STAR: variants seen among roughly 807,000 people sequenced by gnomAD.
STAR encodes steroidogenic acute regulatory protein.
A neutral mutation model predicts 32.3 loss-of-function variants in STAR; 32 were observed. That is an observed-to-expected ratio of 0.99 (90% confidence interval 0.75 to 1.33). The LOEUF is 1.33. Among genes scored for constraint, STAR ranks in the 40% most tolerant of loss-of-function variants. The pLI is 0.00. For missense variants in STAR, 375 were observed against 379.0 expected (o/e 0.99, Z 0.09); for synonymous variants, 134 against 140.5 (o/e 0.95, Z 0.33).
intron 3 of STAR, among the ~76,000 whole-genome samples, chr8:38,147,739 T>G (rs1199820641): frequency 6.6e-6 from 1 of 152,362 alleles, no homozygotes; most frequent in East Asian, 1.9e-4. Context: ...GATGGGTCAG[T>G]GCTCAAGCGC....
At chr8:38,149,651 G>A (rs1367527180) in intron 1 of STAR, among the ~76,000 whole-genome samples, 1 of 152,156 alleles carries the variant, frequency 6.6e-6, no homozygotes, top group Non-Finnish European at 1.5e-5. Flanking sequence ...GACTTGTCCA[G>A]CTCTGAAGGA....
Position 38,150,944 on chromosome 8 carries a change from CG to C in STAR, c.-127del. ...CCCCTCAAGCTTCGCCTCTGAGTCC[CG>C]CAGCTGCAGCCTGGACCTGGTGTTC... On this transcript the variant is annotated 5_prime_UTR_variant, in exon 1 of 7. Coordinates refer to ENST00000276449, the MANE Select transcript of STAR (RefSeq NM_000349.3). 3 of 1,587,558 alleles carry C rather than the reference CG, an allele frequency of 1.9e-6. No homozygotes were observed. The South Asian group carries it at 3.4e-5, about 18-fold the overall frequency.
intron 3 of STAR, among the ~76,000 whole-genome samples, chr8:38,147,393 T>G (rs2720049): frequency 0.99 from 150,150 of 152,284 alleles, 74,076 homozygotes; most frequent in East Asian, 1. Flanking sequence ...GGGAAAAGTG[T>G]TTTACACCAG....
intron 5 of STAR, 71 bp downstream of exon 5, chr8:38,145,892 C>A: frequency 1.3e-6 from 2 of 1,594,896 alleles, no homozygotes; most frequent in Non-Finnish European, 1.7e-6. Context: ...GGGATGCAGT[C>A]CACATGCTTG....
At chr8:38,146,956 T>C (rs1189953019) in intron 3 of STAR, among the ~76,000 whole-genome samples, 2 of 151,416 alleles carry the variant, frequency 1.3e-5, no homozygotes, top group African/African-American at 4.8e-5. Flanking sequence ...TGGAGGAAGT[T>C]ACCTGCTGCC....
chr8:38,148,702 G>A lies in STAR; in HGVS notation c.117C>T (p.Ala39=), dbSNP rs1487010952. The change falls in exon 2 of 7, where the codon GCC becomes GCT. Residue 39 remains alanine, a synonymous_variant. Coordinates refer to ENST00000276449, the MANE Select transcript of STAR (RefSeq NM_000349.3). The stretch of plus-strand genomic sequence containing the variant: ...ACGTGCTAGGGGTGGGGCCCCCCAG[G>A]GCCCTCCGGTTCAGCTCCTGGCTGA... ...MAISQELNRR[A]LGGPTPSTWI... 2 of 1,614,096 alleles carry A rather than the reference G, an allele frequency of 1.2e-6. No homozygotes were observed. The highest frequency in any genetic ancestry group is 1.7e-6 in the Non-Finnish European group (2 of 1,180,046).
chr8:38,145,895 C>G (rs1337106705), intron 5 of STAR, 68 bp downstream of exon 5: 26 of 1,602,112 alleles, frequency 1.6e-5, no homozygotes, highest in Non-Finnish European at 2.0e-5. Context: ...ATGCAGTCCA[C>G]ATGCTTGGGT....
chr8:38,148,451 C>T, intron 2 of STAR, 124 bp from the exon 3 acceptor site: 1 of 1,515,984 alleles, frequency 6.6e-7, no homozygotes, highest in African/African-American at 1.4e-5. Flanking sequence ...TAGGGGCCAG[C>T]CTGCTGGTCG....
chr8:38,144,988 GA>G, intron 6 of STAR: 1 of 1,344,758 alleles, frequency 7.4e-7, no homozygotes, highest in Non-Finnish European at 9.6e-7. Context: ...CAGCCTGAGT[GA>G]CAGAATGAAA....
rs1264801797 is a variant in STAR at position 38,150,896 on chromosome 8, G to T, written c.-78C>A. The T allele has an allele frequency of 6.3e-6, 10 of 1,599,686 alleles. No individual in the cohort carries two copies. Among genetic ancestry groups the T allele is most frequent in the Non-Finnish European group, 6.8e-6 (8 of 1,179,820 alleles). Reference sequence around the variant, plus strand: ...CGCTGCTGCTGCCTCTTCTCTCAAGGGTGGTTCTTCGTCCTTCCTGAGCCC... The same window carrying T: ...CGCTGCTGCTGCCTCTTCTCTCAAGTGTGGTTCTTCGTCCTTCCTGAGCCC... On this transcript the variant is annotated 5_prime_UTR_variant, in exon 1 of 7. Transcript: ENST00000276449.
intron 6 of STAR, 147 bp from the exon 7 acceptor site, chr8:38,144,533 A>T: frequency 6.7e-7 from 1 of 1,501,974 alleles, no homozygotes; most frequent in South Asian, 1.2e-5. Context: ...CAAGGGCGGG[A>T]GGACTGCATT....
rs1398391043 is a variant in STAR, at chr8:38,143,826, G to A, written c.*447C>T. On this transcript the variant is annotated 3_prime_UTR_variant, in exon 7 of 7. Transcript: ENST00000276449. ...TGCTGTGCAGCGGCCGGGAGGAGCA[G>A]AGGGCTGCAGGAGACCCTCTGAGAT... 1 of 263,618 alleles carries A rather than the reference G, an allele frequency of 3.8e-6. No homozygotes were observed. The highest frequency in any genetic ancestry group is 7.5e-6 in the Non-Finnish European group (1 of 133,790). The allele number at this position is 263,618 out of a possible 1,614,324, so 16.3% of individuals were successfully genotyped here.
chr8:38,145,387 C>A, intron 5 of STAR, 72 bp from the exon 6 acceptor site: 1 of 1,597,994 alleles, frequency 6.3e-7, no homozygotes, highest in Non-Finnish European at 8.6e-7. Context: ...TACACCAGTA[C>A]CATAGATAAC....
chr8:38,150,767 G>GC lies in STAR; in HGVS notation c.51dup (p.Arg18AlafsTer29), dbSNP rs778887660. 2 of 1,607,102 alleles carry GC rather than the reference G, an allele frequency of 1.2e-6. No homozygotes were observed. Among genetic ancestry groups the GC allele is most frequent in the Non-Finnish European group, 1.7e-6 (2 of 1,179,992 alleles). ...CCGCAGCGCTCACCCTTCATGTTGC[G>GC]CATGTGTCTGTAGGAGCTCCCAGCG... On this transcript the variant is annotated frameshift_variant, in exon 1 of 7. Transcript: ENST00000276449. LOFTEE classifies it high-confidence loss of function.
At chr8:38,145,485 C>T in intron 5 of STAR, 170 bp from the exon 6 acceptor site, 7 of 867,834 alleles carry the variant, frequency 8.1e-6, no homozygotes, top group Non-Finnish European at 1.1e-5. Flanking sequence ...GCACAGTTAC[C>T]AGCTCATCAG....
At position 38,146,069 on chromosome 8, in the gene STAR, G is replaced by C. The variant is rs369232492; in HGVS notation, c.544C>G (p.Arg182Gly). The C allele has an allele frequency of 1.2e-6, 2 of 1,614,098 alleles. No individual in the cohort carries two copies. Among genetic ancestry groups the C allele is most frequent in the Non-Finnish European group, 1.7e-6 (2 of 1,180,042 alleles). ...GCACAGCGCACGCTCACAAAGTCAC[G>C]GGGCCCCACCAGGTTTCCTGCTGCC... ...AEAAGNLVGP[R>G]DFVSVRCAKR... Residue 182 changes from arginine to glycine, a missense_variant, in exon 5 of 7, where the codon CGT (arginine) becomes GGT (glycine). By Grantham distance (125) the Arg-to-Gly change is moderately radical. Transcript: ENST00000276449.
At chr8:38,145,394 T>C (rs1310055657) in intron 5 of STAR, 79 bp from the exon 6 acceptor site, 9 of 1,581,402 alleles carry the variant, frequency 5.7e-6, no homozygotes, top group Non-Finnish European at 7.8e-6. Context: ...GTACCATAGA[T>C]AACACGTTTC....
In STAR at chr8:38,143,188, T is replaced by C. The variant is rs1419681321; in HGVS notation, c.*1085A>G. 6.6e-6 allele frequency among the ~76,000 whole-genome samples: 1 copy of C among 152,230 alleles called. No individual in the cohort carries two copies. The highest frequency in any genetic ancestry group is 1.5e-5 in the Non-Finnish European group (1 of 68,040). On this transcript the variant is annotated 3_prime_UTR_variant, in exon 7 of 7. Coordinates refer to ENST00000276449, the MANE Select transcript of STAR (RefSeq NM_000349.3). Reference sequence around the variant, plus strand: ...GATCCTGGTAACAGAGTCTAAATTATTGAATTGCATAATTTCCCAGTAGTT... The same window carrying C: ...GATCCTGGTAACAGAGTCTAAATTACTGAATTGCATAATTTCCCAGTAGTT...
Position 38,148,585 on chromosome 8 carries a change from C to G in STAR, c.178+56G>C, listed in dbSNP as rs963888308. 8 of 1,531,836 alleles carry G rather than the reference C, an allele frequency of 5.2e-6. No homozygotes were observed. The African/African-American group carries it at 1.1e-4, about 21-fold the overall frequency. The allele number at this position is 1,531,836 out of a possible 1,614,324, so 94.9% of individuals were successfully genotyped here. On this transcript the variant is annotated intron_variant, in intron 2 of 6. Coordinates refer to ENST00000276449, the MANE Select transcript of STAR (RefSeq NM_000349.3). Reference sequence around the variant, plus strand: ...AGCCAAAGCCACATGCACCACATCACCCTCCAGGGAACCTCCTGCCAGCAG... The same window carrying G: ...AGCCAAAGCCACATGCACCACATCAGCCTCCAGGGAACCTCCTGCCAGCAG...
Sources: gnomAD v4.1 joint callset for allele counts (sites outside exome capture counted in the v4.1 genomes callset) on GRCh38, gnomAD v4.1.1 for gene constraint, MANE v1.5 for transcripts, NCBI Gene and HGNC (gene_info 2026-07-23, HGNC 2026-07-21) for gene names.